Variants in PKP3 observed in about 807,000 individuals in gnomAD.
PKP3 encodes the protein plakophilin 3, also known as plakophilin-3.
Under a neutral mutation model 76.5 loss-of-function variants are expected in PKP3, and 66 were observed. The ratio of observed to expected loss-of-function variants is 0.86; its 90% CI spans 0.71 to 1.06. PKP3 has a LOEUF of 1.06. Among genes scored for constraint, PKP3 ranks in the 50% least tolerant of loss-of-function variants. The pLI is 0.00. For missense variants in PKP3, 1,338 were observed against 1,141.0 expected (o/e 1.17, Z -2.49); for synonymous variants, 638 against 516.5 (o/e 1.24, Z -3.19).
Position 403,690 on chromosome 11 carries a change from AC to A in PKP3, c.1998del (p.Ala667ProfsTer9), listed in dbSNP as rs745814799. The A allele has an allele frequency of 5.0e-6, 8 of 1,610,316 alleles. No individual in the cohort carries two copies. Among genetic ancestry groups the A allele is most frequent in the Non-Finnish European group, 6.8e-6 (8 of 1,179,780 alleles). On this transcript the variant is annotated frameshift_variant, in exon 10 of 13. Coordinates refer to ENST00000331563, the MANE Select transcript of PKP3 (RefSeq NM_007183.4). LOFTEE classifies it high-confidence loss of function. ...GAACCCCCTGCTAGACCGTGTCAGG[AC>A]CGCCGACCACCACCAGCTGCGCTCA... ...ILNPLLDRVR[T>X]ADHHQLRSLT...
chr11:396,787 C>A (rs1263107568), intron 2 of PKP3, 27 bp from the exon 3 acceptor site: 2 of 1,565,772 alleles, frequency 1.3e-6, no homozygotes, highest in South Asian at 1.2e-5. Flanking sequence ...CCCAGGCACG[C>A]CCTCACCGCC....
In PKP3 at chr11:403,227, C is replaced by A; in HGVS notation, c.1887C>A (p.Ala629=). ...ELNRHTTEAA[A]GALQNITAGD... is the part of the protein sequence containing the mutation. The stretch of plus-strand genomic sequence containing the variant: ...ACCGGCACACGACGGAGGCGGCCGC[C>A]GGGGCGCTGCAGAACATCACGGCAG... The change falls in exon 9 of 13, where the codon GCC becomes GCA. Residue 629 remains alanine (A), a synonymous_variant. Transcript: ENST00000331563. 1.3e-6 allele frequency: 2 copies of A among 1,588,142 alleles called. No homozygotes were observed. Among genetic ancestry groups the A allele is most frequent in the East Asian group, 2.3e-5 (1 of 43,710 alleles).
rs1055036530 is a variant in PKP3 at position 403,628 on chromosome 11, T to G, written c.1934T>G (p.Val645Gly). ...ITAGDRRWAG[V>G]LSRLALEQER... ...CCTCCCTCCCCACAGTGGGCGGGGG[T>G]GCTGAGCCGCCTGGCCCTGGAGCAG... is the stretch of plus-strand genomic sequence containing the variant. The change falls in exon 10 of 13, where the codon GTG becomes GGG. Residue 645 changes from valine (V) to glycine (G), a missense_variant. Transcript: ENST00000331563. 6.2e-7 allele frequency: 1 copy of G among 1,603,800 alleles called. No individual in the cohort carries two copies.
chr11:400,434 G>A lies in PKP3; in HGVS notation c.1549G>A (p.Gly517Ser), dbSNP rs942617208. ...CTCTATCAACCACGCCCTGGACGCG[G>A]GCAAATGCGAGGACAAGGTGAGGGG... ...VTSINHALDA[G>S]KCEDKSVENA... The change falls in exon 7 of 13, where the codon GGC becomes AGC. Residue 517 changes from glycine to serine, a missense_variant. Coordinates refer to ENST00000331563, the MANE Select transcript of PKP3 (RefSeq NM_007183.4). 11 of 1,546,946 alleles carry A rather than the reference G, an allele frequency of 7.1e-6. No individual in the cohort carries two copies. In the Admixed American group the frequency reaches 1.4e-4, roughly 19 times the overall value.
rs1437381710 is a variant in PKP3, at chr11:403,621, G to A, written c.1927G>A (p.Ala643Thr). ...CTCACACCCTCCCTCCCCACAGTGG[G>A]CGGGGGTGCTGAGCCGCCTGGCCCT... ...QNITAGDRRW[A>T]GVLSRLALEQ... The change falls in exon 10 of 13, where the codon GCG becomes ACG. Residue 643 changes from alanine (A) to threonine (T), a missense_variant. By Grantham distance (58) the Ala-to-Thr change is moderately conservative (BLOSUM62 0). Coordinates refer to ENST00000331563, the MANE Select transcript of PKP3 (RefSeq NM_007183.4). 6.2e-7 allele frequency: 1 copy of A among 1,604,494 alleles called. No individual in the cohort carries two copies. The highest frequency in any genetic ancestry group is 2.2e-5 in the East Asian group (1 of 44,852).
chr11:394,835 C>T lies in PKP3; in HGVS notation c.232+311C>T, dbSNP rs555689507. ...TGGCAGGCGGGCCAGGCCACTCGGTCGGCAAACCCGGAACACGCACGCGCC... is the reference window on the plus strand; with the variant it reads ...TGGCAGGCGGGCCAGGCCACTCGGTTGGCAAACCCGGAACACGCACGCGCC... On this transcript the variant is annotated intron_variant, in intron 1 of 12. Transcript: ENST00000331563. Among the ~76,000 whole-genome samples, 8 of 152,290 alleles carry T rather than the reference C, an allele frequency of 5.3e-5. No individual in the cohort carries two copies. In the South Asian group the frequency reaches 1.2e-3, roughly 24 times the overall value.
chr11:403,395 G>C, intron 9 of PKP3, 132 bp downstream of exon 9: 3 of 879,196 alleles, frequency 3.4e-6, no homozygotes, highest in Non-Finnish European at 5.1e-6. Flanking sequence ...CAGCGTCCCG[G>C]TGGCGCAGGC....
At chr11:394,093 AGGC>A (rs1419298527), upstream of PKP3, 2 of 712,466 alleles carry the variant, frequency 2.8e-6, no homozygotes, top group Non-Finnish European at 4.1e-6. Context: ...CACCTTAAGC[AGGC>A]GGCGGCCCCT....
chr11:404,674 G>A lies in PKP3; in HGVS notation c.*105G>A. ...CCTGGAGGAGAAGGCTAATGACGGA[G>A]GGGCCCCTCGCTGGGGCCCCTGTGT... is the stretch of plus-strand genomic sequence containing the variant. On this transcript the variant is annotated 3_prime_UTR_variant, in exon 13 of 13. Coordinates refer to ENST00000331563, the MANE Select transcript of PKP3 (RefSeq NM_007183.4). This position sits in a 1 kb window ranked among gnomAD's most constrained non-coding sequence, Gnocchi z 4.2. 1.7e-6 allele frequency: 2 copies of A among 1,168,812 alleles called. No individual in the cohort carries two copies. The highest frequency in any genetic ancestry group is 2.5e-6 in the Non-Finnish European group (2 of 797,142). 72.4% of individuals were successfully genotyped at this position (1,168,812 alleles called of 1,614,324 possible).
At chr11:396,422 G>A (rs868240344) in intron 1 of PKP3, 186 bp from the exon 2 acceptor site, 180 of 521,722 alleles carry the variant, frequency 3.5e-4, no homozygotes, top group Middle Eastern at 2.0e-3. Context: ...CACCAGGGCT[G>A]ACATGTGAGG....
intron 1 of PKP3, among the ~76,000 whole-genome samples, chr11:394,779 C>T (rs920802769): frequency 1.3e-5 from 2 of 152,180 alleles, no homozygotes; most frequent in African/African-American, 2.4e-5. Context: ...TGGAGCCATC[C>T]CTGTGGGGGA....
intron 5 of PKP3, 79 bp from the exon 6 acceptor site, chr11:399,888 G>T: frequency 8.3e-7 from 1 of 1,200,440 alleles, no homozygotes; most frequent in Non-Finnish European, 1.2e-6. Flanking sequence ...GGGGAGAGGC[G>T]GGACCTCTTC....
chr11:392,598 A>G (rs1389976341), upstream of PKP3: 1 of 1,241,478 alleles, frequency 8.1e-7, no homozygotes, highest in Admixed American at 2.3e-5. Flanking sequence ...TCCCCGCCGC[A>G]GAGGCTGCCC....
chr11:404,484 G>A lies in PKP3; in HGVS notation c.2359-50G>A, dbSNP rs1847221537. ...ACTGCAGGAGGGACAGCGGGCAGAG[G>A]GCCACATGGGCAGACATGCACCCTG... On this transcript the variant is annotated intron_variant, in intron 12 of 12. Coordinates refer to ENST00000331563, the MANE Select transcript of PKP3 (RefSeq NM_007183.4). This position sits in a 1 kb window ranked among gnomAD's most constrained non-coding sequence, Gnocchi z 4.2. 1 of 1,598,002 alleles carries A rather than the reference G, an allele frequency of 6.3e-7. No individual in the cohort carries two copies. The highest frequency in any genetic ancestry group is 1.3e-5 in the African/African-American group (1 of 74,622).
chr11:395,635 T>C (rs1209516037), intron 1 of PKP3, among the ~76,000 whole-genome samples: 1 of 151,960 alleles, frequency 6.6e-6, no homozygotes, highest in African/African-American at 2.4e-5. Flanking sequence ...CGTCAGAGGG[T>C]TAATAGCCCC....
rs975839683 is a variant in PKP3, at chr11:400,216, C to T, written c.1448+75C>T. On this transcript the variant is annotated intron_variant, in intron 6 of 12. Transcript: ENST00000331563. ...TGGGGACTCCGCCTGGCCTGGCGTTCGCAGCCCACACACCGCACGCCTCGC... is the reference window on the plus strand; with the variant it reads ...TGGGGACTCCGCCTGGCCTGGCGTTTGCAGCCCACACACCGCACGCCTCGC... 52 of 1,416,214 alleles carry T rather than the reference C, an allele frequency of 3.7e-5. No homozygotes were observed. In the African/African-American group the frequency reaches 5.2e-4, roughly 14 times the overall value. 87.7% of individuals were successfully genotyped at this position (1,416,214 alleles called of 1,614,324 possible). A position where few individuals can be genotyped will look rare whatever the true frequency, so the allele number is the denominator to read the frequency against.
At chr11:393,217 C>A (rs1029317508), upstream of PKP3, among the ~76,000 whole-genome samples, 1 of 151,686 alleles carries the variant, frequency 6.6e-6, no homozygotes, top group Non-Finnish European at 1.5e-5. Flanking sequence ...GGTCCAGGGC[C>A]CCCCCACCAG....
rs780216395 is a variant in PKP3, at chr11:397,225, A to G, written c.724A>G (p.Thr242Ala). The change falls in exon 3 of 13, where the codon ACC (threonine) becomes GCC (alanine). Residue 242 changes from threonine (T) to alanine (A), a missense_variant. Transcript: ENST00000331563. The stretch of plus-strand genomic sequence containing the variant: ...GGCCACTGAGGTTTCCCCGAGCCGG[A>G]CCATCCGTGCCCCTGCCGTGCGGAC... ...PEATEVSPSR[T>A]IRAPAVRTLQ... is the part of the protein sequence containing the mutation. The G allele has an allele frequency of 3.8e-6, 6 of 1,599,088 alleles. No homozygotes were observed. Among genetic ancestry groups the G allele is most frequent in the Middle Eastern group, 1.7e-4 (1 of 5,948 alleles).
rs1564879917 is a variant in PKP3, at chr11:398,816, GTACCCCCGCACACACCTCCGTCACCTCCC to G, written c.1069-171_1069-143del. Among the ~76,000 whole-genome samples the G allele has an allele frequency of 1.4e-4, 9 of 62,154 alleles. 1 individual carries two copies. Among genetic ancestry groups the G allele is most frequent in the Admixed American group, 3.4e-4 (2 of 5,810 alleles). The allele number at this position is 62,154 out of a possible 152,430, so 40.8% of individuals were successfully genotyped here. Reference sequence around the variant, plus strand: ...CCCCGCACACACCTGCGTCACCTCCGTACCCCCGCACACACCTCCGTCACCTCCCTACCGCCGCACACACCTCCGTCACC... The same window carrying G: ...CCCCGCACACACCTGCGTCACCTCCGTACCGCCGCACACACCTCCGTCACC... On this transcript the variant is annotated intron_variant, in intron 4 of 12. Transcript: ENST00000331563.
Sources: gnomAD v4.1 joint callset for allele counts (sites outside exome capture counted in the v4.1 genomes callset) on GRCh38, gnomAD v4.1.1 for gene constraint, Gnocchi (gnomAD v3.1) non-coding constraint, MANE v1.5 for transcripts, NCBI Gene and HGNC (gene_info 2026-07-23, HGNC 2026-07-21) for gene names.